THADA: variants seen among roughly 807,000 people sequenced by gnomAD.
The protein encoded by THADA is THADA armadillo repeat containing.
THADA carries 213 observed loss-of-function variants against 219.8 expected under a neutral mutation model. The observed-to-expected ratio is 0.97, with a 90% confidence interval of 0.87 to 1.09. THADA has a LOEUF of 1.09. Among genes scored for constraint, THADA ranks in the 50% least tolerant of loss-of-function variants. The pLI, the probability that THADA is intolerant of heterozygous loss-of-function variation, is 0.00. For synonymous variants in THADA, 1,018 were observed against 828.9 expected, an observed-to-expected ratio of 1.23 and a Z score of -3.92; for missense variants, 2,956 against 2,311.3, an observed-to-expected ratio of 1.28 and a Z score of -5.72.
chr2:43,451,125 T>TA (rs907131566), intron 26 of THADA, among the ~76,000 whole-genome samples: 22 of 152,308 alleles, frequency 1.4e-4, no homozygotes, highest in African/African-American at 5.3e-4. Flanking sequence ...TTTACCACAA[T>TA]AAAAAATATG....
chr2:43,322,888 G>A (rs1353461857), intron 30 of THADA, among the ~76,000 whole-genome samples: 3 of 151,662 alleles, frequency 2.0e-5, no homozygotes, highest in South Asian at 2.1e-4. Context: ...GGGTTTCACC[G>A]TGTTAGCCAG....
At chr2:43,489,097 T>C (rs2105025788) in intron 25 of THADA, among the ~76,000 whole-genome samples, 1 of 152,350 alleles carries the variant, frequency 6.6e-6, no homozygotes, top group South Asian at 2.1e-4. Context: ...TCTCCCATTC[T>C]GTGGGTTGTC....
At chr2:43,344,835 C>T (rs1457698226) in intron 29 of THADA, among the ~76,000 whole-genome samples, 3 of 151,930 alleles carry the variant, frequency 2.0e-5, no homozygotes, top group Admixed American at 2.0e-4. Flanking sequence ...ACGTGCCCCA[C>T]TTATACAAGG....
chr2:43,397,221 C>G (rs968608843), intron 29 of THADA, among the ~76,000 whole-genome samples: 1 of 152,070 alleles, frequency 6.6e-6, no homozygotes, highest in Admixed American at 6.6e-5. Context: ...GATCTCAAGG[C>G]CATCTCTCAA....
chr2:43,506,035 T>G (rs761663890), intron 23 of THADA, among the ~76,000 whole-genome samples: 1 of 152,160 alleles, frequency 6.6e-6, no homozygotes, highest in Non-Finnish European at 1.5e-5. Context: ...GACAACTCCT[T>G]AAGAATCCTA....
chr2:43,459,213 A>G (rs1047004299), intron 26 of THADA, among the ~76,000 whole-genome samples: 2 of 152,192 alleles, frequency 1.3e-5, no homozygotes, highest in Admixed American at 6.5e-5. Flanking sequence ...TACCCTGTGC[A>G]TTTTCATCCT....
At chr2:43,432,010 C>A (rs1679404696) in intron 26 of THADA, among the ~76,000 whole-genome samples, 1 of 129,190 alleles carries the variant, frequency 7.7e-6, no homozygotes. Context: ...GCGCCCGCCA[C>A]TACGCCCGGC....
At chr2:43,308,863 A>G (rs1362150677) in intron 31 of THADA, among the ~76,000 whole-genome samples, 1 of 152,042 alleles carries the variant, frequency 6.6e-6, no homozygotes, top group Non-Finnish European at 1.5e-5. Context: ...ATGCAAAACT[A>G]CAAAACTTTA....
At chr2:43,467,113 C>T (rs1230206896) in intron 26 of THADA, among the ~76,000 whole-genome samples, 3 of 125,284 alleles carry the variant, frequency 2.4e-5, no homozygotes, top group African/African-American at 6.0e-5. Flanking sequence ...ACCCGGGAGG[C>T]GGAGCTTGCA....
intron 29 of THADA, among the ~76,000 whole-genome samples, chr2:43,350,742 C>G (rs1245328306): frequency 1.3e-5 from 2 of 152,224 alleles, no homozygotes; most frequent in Non-Finnish European, 2.9e-5. Flanking sequence ...ATCCACCAAT[C>G]TGCTAGAGGG....
intron 24 of THADA, among the ~76,000 whole-genome samples, chr2:43,500,052 G>A (rs1688746028): frequency 6.6e-6 from 1 of 151,814 alleles, no homozygotes; most frequent in Admixed American, 6.6e-5. Context: ...AGAGAAATAA[G>A]GCACAAATAA....
intron 26 of THADA, among the ~76,000 whole-genome samples, chr2:43,462,724 C>A (rs759570188): frequency 6.6e-6 from 1 of 152,058 alleles, no homozygotes; most frequent in Non-Finnish European, 1.5e-5. Flanking sequence ...TGCGGGGATA[C>A]AAAGATGAAT....
At chr2:43,424,229 A>C (rs1278831029) in intron 28 of THADA, among the ~76,000 whole-genome samples, 1 of 152,238 alleles carries the variant, frequency 6.6e-6, no homozygotes, top group Admixed American at 6.5e-5. Flanking sequence ...GAGAGGAAGG[A>C]AATAGCAGGT....
At chr2:43,572,774 T>A (rs373468463) in intron 12 of THADA, 40 bp downstream of exon 12, 8 of 1,586,764 alleles carry the variant, frequency 5.0e-6, no homozygotes, top group African/African-American at 2.7e-5. Context: ...ATGAAAGGGA[T>A]CTACTGCATG....
At chr2:43,432,091 C>T (rs949261703) in intron 26 of THADA, among the ~76,000 whole-genome samples, 2 of 135,180 alleles carry the variant, frequency 1.5e-5, no homozygotes, top group East Asian at 2.0e-4. Flanking sequence ...CTCCTGACCT[C>T]GTGATCCGCC....
chr2:43,252,792 T>A (rs1669935547), intron 36 of THADA, among the ~76,000 whole-genome samples: 1 of 152,204 alleles, frequency 6.6e-6, no homozygotes, highest in Non-Finnish European at 1.5e-5. Context: ...AATCTACTGT[T>A]CTACTTTGAG....
chr2:43,495,818 C>T (rs1370559022), intron 25 of THADA, among the ~76,000 whole-genome samples: 1 of 152,176 alleles, frequency 6.6e-6, no homozygotes, highest in African/African-American at 2.4e-5. Context: ...GATGGTCAAG[C>T]CACATTCCTA....
At position 43,232,733 on chromosome 2, in the gene THADA, A is replaced by G. The variant is rs1667588293; in HGVS notation, c.5446T>C (p.Cys1816Arg). 1 of 1,613,928 alleles carries G rather than the reference A, an allele frequency of 6.2e-7. No homozygotes were observed. The highest frequency in any genetic ancestry group is 2.2e-5 in the East Asian group (1 of 44,882). ...LLGESDDLVA[C>R]VESMHQVEED... is the part of the protein sequence containing the mutation. The stretch of plus-strand genomic sequence containing the variant: ...ATCACCTGATGCATGCTCTCCACAC[A>G]GGCCACGAGGTCATCACTCTCTCCC... The change falls in exon 37 of 38, where the codon TGT becomes CGT. Residue 1816 changes from cysteine (C) to arginine (R), a missense_variant. Physicochemically the swap from Cys to Arg is radical, Grantham distance 180 (BLOSUM62 -3). Coordinates refer to ENST00000405975, the MANE Select transcript of THADA (RefSeq NM_022065.5).
At chr2:43,583,059 C>T (rs1173051432) in intron 7 of THADA, among the ~76,000 whole-genome samples, 1 of 152,138 alleles carries the variant, frequency 6.6e-6, no homozygotes, top group Non-Finnish European at 1.5e-5. Flanking sequence ...TTTAGCTCAT[C>T]AGCTTTAAAT....
Sources: allele counts gnomAD v4.1 joint callset (sites outside exome capture counted in the v4.1 genomes callset), GRCh38; gene constraint gnomAD v4.1.1; transcripts MANE v1.5; gene names NCBI Gene and HGNC (gene_info 2026-07-23, HGNC 2026-07-21).